FYN: variants seen among roughly 807,000 people sequenced by gnomAD.
FYN encodes FYN proto-oncogene, Src family tyrosine kinase.
Under a neutral mutation model 70.2 loss-of-function variants are expected in FYN, and 10 were observed. That is an observed-to-expected ratio of 0.14 (90% CI 0.09 to 0.24). FYN has a LOEUF of 0.24. FYN is among the 10% of genes least tolerant of loss of function. The pLI is 1.00. For synonymous variants in FYN, 236 were observed against 248.6 expected (o/e 0.95, Z 0.48); for missense variants, 319 against 673.1 (o/e 0.47, Z 5.82).
chr6:111,767,033 A>G (rs566163408), intron 3 of FYN, among the ~76,000 whole-genome samples: 1 of 152,194 alleles, frequency 6.6e-6, no homozygotes, highest in Admixed American at 6.5e-5. Context: ...GTAAGCAGCC[A>G]CCCCAACATC....
intron 3 of FYN, among the ~76,000 whole-genome samples, chr6:111,740,333 A>G (rs1281288417): frequency 6.6e-6 from 1 of 152,202 alleles, no homozygotes; most frequent in African/African-American, 2.4e-5. Flanking sequence ...AAAATTGGAT[A>G]CAATCTAGGC....
chr6:111,708,351 A>G, intron 5 of FYN: 1 of 284,976 alleles, frequency 3.5e-6, no homozygotes, highest in African/African-American at 2.1e-5. Flanking sequence ...ATCCAGCCTC[A>G]GCCTAATTAA....
chr6:111,821,020 A>T (rs996526710), intron 2 of FYN, among the ~76,000 whole-genome samples: 23 of 152,102 alleles, frequency 1.5e-4, no homozygotes, highest in Non-Finnish European at 2.9e-4. Context: ...AATTTTTTTT[A>T]AAAAAGACTT....
At chr6:111,749,894 C>T (rs1398420088) in intron 3 of FYN, among the ~76,000 whole-genome samples, 1 of 151,994 alleles carries the variant, frequency 6.6e-6, no homozygotes, top group African/African-American at 2.4e-5. Flanking sequence ...GGAAAACTCG[C>T]TTATGATGGA....
chr6:111,766,360 T>C (rs1396915312), intron 3 of FYN, among the ~76,000 whole-genome samples: 1 of 152,194 alleles, frequency 6.6e-6, no homozygotes, highest in African/African-American at 2.4e-5. Flanking sequence ...CCAGTCAGAA[T>C]GGCTATCTTA....
Position 111,769,990 on chromosome 6 carries a change from G to A in FYN, c.-12+10576C>T, listed in dbSNP as rs1388848962. Among the ~76,000 whole-genome samples, 5 of 151,986 alleles carry A rather than the reference G, an allele frequency of 3.3e-5. No homozygotes were observed. The South Asian group carries it at 6.2e-4, about 19-fold the overall frequency. ...GGCACAAAGAGGACAGGAATATGTG[G>A]TTTTAGATGGGGGGAGGGCAAAAAA... On this transcript the variant is annotated intron_variant, in intron 3 of 13. Coordinates refer to ENST00000354650, the MANE Select transcript of FYN (RefSeq NM_002037.5).
chr6:111,754,477 T>G (rs1802625219), intron 3 of FYN: 1 of 152,222 alleles, frequency 6.6e-6, no homozygotes, highest in African/African-American at 2.4e-5. Context: ...TATTCTCTAT[T>G]AGAAACATAG....
At chr6:111,674,655 C>A in intron 12 of FYN, 25 bp from the exon 13 acceptor site, 2 of 1,608,950 alleles carry the variant, frequency 1.2e-6, no homozygotes, top group South Asian at 2.2e-5. Context: ...CTTGGTTATT[C>A]ATCAGGCAGA....
intron 3 of FYN, among the ~76,000 whole-genome samples, chr6:111,743,084 A>G (rs1015338060): frequency 6.6e-6 from 1 of 150,406 alleles, no homozygotes; most frequent in Non-Finnish European, 1.5e-5. Context: ...CTCCTGCCTC[A>G]GCCTCCCGAG....
chr6:111,858,840 T>TC (rs1773888345), intron 1 of FYN, among the ~76,000 whole-genome samples: 2 of 141,578 alleles, frequency 1.4e-5, no homozygotes, highest in Non-Finnish European at 3.1e-5. Flanking sequence ...TACCTAGGAT[T>TC]TAAAAAAAAA....
At chr6:111,794,113 A>C (rs1019271304) in intron 2 of FYN, among the ~76,000 whole-genome samples, 48 of 152,170 alleles carry the variant, frequency 3.2e-4, no homozygotes, top group African/African-American at 1.1e-3. Flanking sequence ...GCTCTCCTCC[A>C]TCCGCCATGA....
At chr6:111,867,458 G>GAAAAAAAAAAAAAAA (rs373634134) in intron 1 of FYN, among the ~76,000 whole-genome samples, 1 of 70,484 alleles carries the variant, frequency 1.4e-5, no homozygotes, top group African/African-American at 5.5e-5. Context: ...TCCGTCTCGG[G>GAAAAAAAAAAAAAAA]AAAAAAAAAA....
chr6:111,724,518 T>G (rs1418858834), intron 3 of FYN, among the ~76,000 whole-genome samples: 1 of 152,194 alleles, frequency 6.6e-6, no homozygotes, highest in Non-Finnish European at 1.5e-5. Context: ...AGTTATAAGC[T>G]TGCAGGACGT....
chr6:111,828,173 A>G (rs1772898957), intron 2 of FYN, among the ~76,000 whole-genome samples: 2 of 152,132 alleles, frequency 1.3e-5, no homozygotes, highest in Admixed American at 1.3e-4. Context: ...CCCAGCCAGC[A>G]TCCTGAGGTT....
intron 3 of FYN, among the ~76,000 whole-genome samples, chr6:111,757,172 T>C (rs1583412846): frequency 6.6e-6 from 1 of 152,212 alleles, no homozygotes; most frequent in East Asian, 1.9e-4. Flanking sequence ...TAGTTTAATA[T>C]GAAAAATTTT....
chr6:111,812,178 T>C (rs554180681), intron 2 of FYN, among the ~76,000 whole-genome samples: 1 of 152,300 alleles, frequency 6.6e-6, no homozygotes, highest in East Asian at 1.9e-4. Context: ...AGAGAGCAAC[T>C]GCTATCAGCT....
At chr6:111,736,834 T>C (rs927447780) in intron 3 of FYN, among the ~76,000 whole-genome samples, 1 of 152,218 alleles carries the variant, frequency 6.6e-6, no homozygotes, top group Non-Finnish European at 1.5e-5. Flanking sequence ...GCTTCTCTCT[T>C]AAGACTTGTA....
At chr6:111,802,558 G>A (rs544474605) in intron 2 of FYN, among the ~76,000 whole-genome samples, 17 of 151,862 alleles carry the variant, frequency 1.1e-4, no homozygotes, top group African/African-American at 2.9e-4. Flanking sequence ...TCAGCCTCCC[G>A]ATAGCTGGGA....
chr6:111,846,283 G>A (rs1298221243), intron 2 of FYN, among the ~76,000 whole-genome samples: 2 of 152,148 alleles, frequency 1.3e-5, no homozygotes, highest in South Asian at 2.1e-4. Flanking sequence ...TCAGCCATGG[G>A]ACAGCTGTTC....
Sources: allele counts gnomAD v4.1 joint callset (sites outside exome capture counted in the v4.1 genomes callset), GRCh38; gene constraint gnomAD v4.1.1; transcripts MANE v1.5; gene names NCBI Gene and HGNC (gene_info 2026-07-23, HGNC 2026-07-21).